KCNQ1: variants seen among roughly 807,000 people sequenced by gnomAD.
KCNQ1 encodes the protein potassium voltage-gated channel subfamily KQT member 1.
KCNQ1 carries 49 observed loss-of-function variants against 72.4 expected under a neutral mutation model. That is an observed-to-expected ratio of 0.68 (90% CI 0.54 to 0.86). The LOEUF (loss-of-function observed/expected upper bound fraction) is 0.86. Ranked by LOEUF, KCNQ1 falls within the 40% of genes least tolerant of loss-of-function variation. KCNQ1 has a pLI of 0.00. For synonymous variants in KCNQ1, 450 were observed against 412.6 expected (o/e 1.09, Z -1.10); for missense variants, 790 against 945.1 (o/e 0.84, Z 2.15).
In KCNQ1 at chr11:2,748,904, C is replaced by T. The variant is rs1379296920; in HGVS notation, c.1515-19940C>T. 6.6e-6 allele frequency among the ~76,000 whole-genome samples: 1 copy of T among 152,250 alleles called. No homozygotes were observed. Among genetic ancestry groups the T allele is most frequent in the Non-Finnish European group, 1.5e-5 (1 of 68,044 alleles). The stretch of plus-strand genomic sequence containing the variant: ...CAGACCTCCAGAGTGCCCTCTTCCC[C>T]TCTTTGCGGTTGTCACCCTGTCCTT... On this transcript the variant is annotated intron_variant, in intron 11 of 15. Transcript: ENST00000155840. This position sits in a 1 kb window ranked among gnomAD's most constrained non-coding sequence, Gnocchi z 6.2.
At chr11:2,700,091 C>T (rs1411265926) in intron 11 of KCNQ1, 4 of 397,740 alleles carry the variant, frequency 1.0e-5, no homozygotes, top group African/African-American at 2.1e-5. Flanking sequence ...GGAAGGCTTG[C>T]GGCGGGCTGC....
rs1332564879 is a variant in KCNQ1 at position 2,484,637 on chromosome 11, C to A, written c.386+39153C>A. ...TTCCTTGCCTCAGTCTTGAAATCAC[C>A]CACTTCTCCAAGGAGCCAGGGTTCC... On this transcript the variant is annotated intron_variant, in intron 1 of 15. Coordinates refer to ENST00000155840, the MANE Select transcript of KCNQ1 (RefSeq NM_000218.3). The surrounding 1 kb of genome is among the most constrained non-coding windows in gnomAD (Gnocchi z 5.2). 1.3e-5 allele frequency among the ~76,000 whole-genome samples: 2 copies of A among 152,116 alleles called. No individual in the cohort carries two copies. The highest frequency in any genetic ancestry group is 2.9e-5 in the Non-Finnish European group (2 of 68,030).
intron 11 of KCNQ1, among the ~76,000 whole-genome samples, chr11:2,754,902 C>T (rs763210131): frequency 1.3e-5 from 2 of 152,172 alleles, no homozygotes; most frequent in Admixed American, 6.5e-5. Context: ...CCTTAAAGAA[C>T]GTGACAAGTT....
At chr11:2,793,264 G>T (rs1392891490) in intron 15 of KCNQ1, among the ~76,000 whole-genome samples, 1 of 152,232 alleles carries the variant, frequency 6.6e-6, no homozygotes, top group Non-Finnish European at 1.5e-5. Flanking sequence ...CCAATAACGG[G>T]TGGAAATTGC....
chr11:2,835,814 G>A (rs1485057751), intron 15 of KCNQ1, among the ~76,000 whole-genome samples: 1 of 152,160 alleles, frequency 6.6e-6, no homozygotes, highest in Non-Finnish European at 1.5e-5. Flanking sequence ...TGGAGGCGGC[G>A]GGGCAGCGGG....
chr11:2,780,064 A>G (rs148109863), intron 15 of KCNQ1, among the ~76,000 whole-genome samples: 101 of 152,266 alleles, frequency 6.6e-4, no homozygotes, highest in African/African-American at 2.4e-3. Flanking sequence ...ATTACATTCG[A>G]GTCCTCTGCC....
rs571761742 is a variant in KCNQ1, at chr11:2,563,345, G to A, written c.478-7283G>A. Among the ~76,000 whole-genome samples the A allele has an allele frequency of 5.9e-5, 9 of 152,308 alleles. No individual in the cohort carries two copies. In the South Asian group the frequency reaches 1.0e-3, roughly 18 times the overall value. ...CGACCTTTCCCCGCTCTGTTCACTC[G>A]GAGACTAAAAATCCCAGATAAGCAC... is the stretch of plus-strand genomic sequence containing the variant. On this transcript the variant is annotated intron_variant, in intron 2 of 15. Coordinates refer to ENST00000155840, the MANE Select transcript of KCNQ1 (RefSeq NM_000218.3). The surrounding 1 kb of genome is among the most constrained non-coding windows in gnomAD (Gnocchi z 7.4).
At position 2,687,322 on chromosome 11, in the gene KCNQ1, AG is replaced by A; in HGVS notation, c.1514+25244del. 5.0e-6 allele frequency: 2 copies of A among 398,618 alleles called. No individual in the cohort carries two copies. Among genetic ancestry groups the A allele is most frequent in the East Asian group, 7.1e-5 (2 of 28,066 alleles). The allele number at this position is 398,618 out of a possible 1,614,324, so 24.7% of individuals were successfully genotyped here. On this transcript the variant is annotated intron_variant, in intron 11 of 15. Transcript: ENST00000155840. This position sits in a 1 kb window ranked among gnomAD's most constrained non-coding sequence, Gnocchi z 5.0. ...CCCAGGCCTCTCAGGGCTCTGGCTG[AG>A]GGCTGTGAGCCAGAGGCTGAGGTAG...
intron 2 of KCNQ1, among the ~76,000 whole-genome samples, chr11:2,557,182 CA>C (rs752603601): frequency 6.6e-6 from 1 of 152,176 alleles, no homozygotes; most frequent in Non-Finnish European, 1.5e-5. Flanking sequence ...ACAGGGAGAT[CA>C]GGATGAATAT....
intron 11 of KCNQ1, among the ~76,000 whole-genome samples, chr11:2,749,291 G>T (rs1846186562): frequency 6.6e-6 from 1 of 152,114 alleles, no homozygotes; most frequent in Non-Finnish European, 1.5e-5. Flanking sequence ...GAGATTGGGA[G>T]ACCTAGAAAT....
Position 2,661,439 on chromosome 11 carries a change from G to A in KCNQ1, c.1394-522G>A, listed in dbSNP as rs543191799. 23 of 438,022 alleles carry A rather than the reference G, an allele frequency of 5.3e-5. No homozygotes were observed. Among genetic ancestry groups the A allele is most frequent in the African/African-American group, 4.2e-4 (21 of 50,096 alleles). 27.1% of individuals were successfully genotyped at this position (438,022 alleles called of 1,614,324 possible). Reference sequence around the variant, plus strand: ...ATTGGGGGTACAACTGGTTGATGTAGCATCGTGTTTTGAGGAAGGAGTTCT... The same window carrying A: ...ATTGGGGGTACAACTGGTTGATGTAACATCGTGTTTTGAGGAAGGAGTTCT... On this transcript the variant is annotated intron_variant, in intron 10 of 15. Coordinates refer to ENST00000155840, the MANE Select transcript of KCNQ1 (RefSeq NM_000218.3). This position sits in a 1 kb window ranked among gnomAD's most constrained non-coding sequence, Gnocchi z 5.9.
At chr11:2,558,857 C>T (rs2133704950) in intron 2 of KCNQ1, among the ~76,000 whole-genome samples, 1 of 152,266 alleles carries the variant, frequency 6.6e-6, no homozygotes, top group East Asian at 1.9e-4. Context: ...AGATTTGGCC[C>T]CAATGATAAT....
rs978491754 is a variant in KCNQ1 at position 2,698,999 on chromosome 11, C to T, written c.1514+36918C>T. 8 of 398,508 alleles carry T rather than the reference C, an allele frequency of 2.0e-5. 1 individual carries two copies. The Admixed American group carries it at 2.6e-4, about 13-fold the overall frequency. The allele number at this position is 398,508 out of a possible 1,614,324, so 24.7% of individuals were successfully genotyped here. On this transcript the variant is annotated intron_variant, in intron 11 of 15. Transcript: ENST00000155840. The surrounding 1 kb of genome is among the most constrained non-coding windows in gnomAD (Gnocchi z 5.1). The stretch of plus-strand genomic sequence containing the variant: ...GGGATTCCCACCTCCGATCCTAATT[C>T]GGGCCCTGACTCAGAACCACTAAGT...
chr11:2,699,253 T>TGG, intron 11 of KCNQ1: 1 of 398,792 alleles, frequency 2.5e-6, no homozygotes, highest in South Asian at 1.3e-4. Flanking sequence ...AAGGTGCAGA[T>TGG]GGGAGCGCAC....
At chr11:2,472,983 G>A (rs1322790565) in intron 1 of KCNQ1, among the ~76,000 whole-genome samples, 2 of 151,926 alleles carry the variant, frequency 1.3e-5, no homozygotes, top group Admixed American at 6.5e-5. Context: ...TGGGGTGGGC[G>A]TGGCTGGGAG....
intron 1 of KCNQ1, among the ~76,000 whole-genome samples, chr11:2,503,655 C>T (rs570215787): frequency 6.6e-6 from 1 of 152,066 alleles, no homozygotes; most frequent in Non-Finnish European, 1.5e-5. Flanking sequence ...CAAACCTGCA[C>T]ATTGTGCACA....
At chr11:2,533,501 T>C (rs563781296) in intron 2 of KCNQ1, among the ~76,000 whole-genome samples, 1 of 152,326 alleles carries the variant, frequency 6.6e-6, no homozygotes, top group East Asian at 1.9e-4. Context: ...CGTACGTGCA[T>C]GTGCACGTCT....
chr11:2,527,148 C>T (rs1847524265), intron 1 of KCNQ1, among the ~76,000 whole-genome samples: 1 of 152,188 alleles, frequency 6.6e-6, no homozygotes, highest in Admixed American at 6.5e-5. Context: ...AGAACGTTGG[C>T]CCCAGGGTGG....
intron 11 of KCNQ1, among the ~76,000 whole-genome samples, chr11:2,714,965 G>A (rs1851067050): frequency 6.6e-6 from 1 of 152,162 alleles, no homozygotes; most frequent in Admixed American, 6.5e-5. Context: ...GGGGGAGCCT[G>A]CAGGAGGGGC....
Sources: gnomAD v4.1 joint callset for allele counts (sites outside exome capture counted in the v4.1 genomes callset) on GRCh38, gnomAD v4.1.1 for gene constraint, Gnocchi (gnomAD v3.1) non-coding constraint, MANE v1.5 for transcripts, NCBI Gene and HGNC (gene_info 2026-07-23, HGNC 2026-07-21) for gene names.